Variants in NCKAP5 observed in about 807,000 individuals in gnomAD.
The protein encoded by NCKAP5 is NCK associated protein 5, also known as nck-associated protein 5.
Under a neutral mutation model 167.0 loss-of-function variants are expected in NCKAP5, and 92 were observed. That is an observed-to-expected ratio of 0.55 (90% CI 0.47 to 0.66). The LOEUF (loss-of-function observed/expected upper bound fraction) is 0.66, where lower values mean the gene tolerates loss of function less well. Ranked by LOEUF, NCKAP5 falls within the 30% of genes least tolerant of loss-of-function variation. The probability of loss-of-function intolerance (pLI) is 0.00; values close to 1 mark genes in which losing one functional copy is unlikely to be tolerated. For synonymous variants in NCKAP5, 891 were observed against 877.4 expected (o/e 1.02, Z -0.27); for missense variants, 2,378 against 2,315.0 (o/e 1.03, Z -0.56).
intron 5 of NCKAP5, among the ~76,000 whole-genome samples, chr2:133,187,687 T>C (rs1056990127): frequency 2.0e-5 from 3 of 152,114 alleles, no homozygotes; most frequent in Non-Finnish European, 2.9e-5. Context: ...TTTTCCCAAA[T>C]TGATATTTAA....
intron 3 of NCKAP5, among the ~76,000 whole-genome samples, chr2:133,457,916 CT>C (rs894834206): frequency 7.2e-5 from 11 of 152,164 alleles, no homozygotes; most frequent in Admixed American, 7.2e-4. Flanking sequence ...CCTCTTGTCT[CT>C]GTTTAAATTA....
intron 3 of NCKAP5, among the ~76,000 whole-genome samples, chr2:133,504,471 G>T (rs1236493880): frequency 6.6e-6 from 1 of 151,668 alleles, no homozygotes; most frequent in Non-Finnish European, 1.5e-5. Context: ...TACCAGAGCT[G>T]AGGATTAGGC....
intron 3 of NCKAP5, among the ~76,000 whole-genome samples, chr2:133,349,057 A>G (rs1033351899): frequency 1.3e-5 from 2 of 152,126 alleles, no homozygotes; most frequent in African/African-American, 2.4e-5. Flanking sequence ...AACCCTCTCT[A>G]TCTTACACTC....
chr2:133,662,645 T>C, the NCKAP5 span, among the ~76,000 whole-genome samples: 2 of 141,256 alleles, frequency 1.4e-5, no homozygotes, highest in Non-Finnish European at 3.1e-5. Context: ...TCAGTGAAAG[T>C]GGCAAAACCG....
chr2:133,043,378 A>T (rs1441976893), intron 6 of NCKAP5, among the ~76,000 whole-genome samples: 1 of 152,192 alleles, frequency 6.6e-6, no homozygotes, highest in Non-Finnish European at 1.5e-5. Flanking sequence ...TAAAAAGTAC[A>T]ATTAAACAGA....
At chr2:132,816,855 G>C (rs1353266140) in intron 11 of NCKAP5, among the ~76,000 whole-genome samples, 1 of 152,122 alleles carries the variant, frequency 6.6e-6, no homozygotes, top group Non-Finnish European at 1.5e-5. Context: ...CCTTCCTGAC[G>C]AATCTCCAGG....
chr2:133,138,835 G>A (rs1330614277), intron 5 of NCKAP5, among the ~76,000 whole-genome samples: 2 of 152,138 alleles, frequency 1.3e-5, no homozygotes, highest in African/African-American at 4.8e-5. Context: ...GCATTACACA[G>A]TTGCTCACTA....
intron 16 of NCKAP5, among the ~76,000 whole-genome samples, chr2:132,771,466 CAGTA>C (rs958630677): frequency 6.6e-6 from 1 of 152,118 alleles, no homozygotes; most frequent in Non-Finnish European, 1.5e-5. Flanking sequence ...AAAAAAGTGA[CAGTA>C]AGCTGAAGTT....
At chr2:133,617,872 C>T in the NCKAP5 span, among the ~76,000 whole-genome samples, 2 of 151,518 alleles carry the variant, frequency 1.3e-5, no homozygotes, top group African/African-American at 4.9e-5. Flanking sequence ...AAGAACAAAG[C>T]TGGAGGCATC....
intron 6 of NCKAP5, among the ~76,000 whole-genome samples, chr2:133,099,518 A>G (rs1574026205): frequency 6.6e-6 from 1 of 152,256 alleles, no homozygotes; most frequent in African/African-American, 2.4e-5. Flanking sequence ...TTAAGTACAT[A>G]TTGGGGTCAC....
chr2:132,756,276 G>T (rs1680547436), intron 16 of NCKAP5, among the ~76,000 whole-genome samples: 1 of 152,148 alleles, frequency 6.6e-6, no homozygotes, highest in Non-Finnish European at 1.5e-5. Context: ...CTGAAACATT[G>T]TCTCCCCACA....
intron 3 of NCKAP5, among the ~76,000 whole-genome samples, chr2:133,484,614 T>C (rs1040116426): frequency 6.6e-6 from 1 of 152,164 alleles, no homozygotes. Flanking sequence ...ATGCCACAAG[T>C]GGAAAATTCC....
Position 133,372,217 on chromosome 2 carries a change from G to A in NCKAP5, c.70-69107C>T, listed in dbSNP as rs73957043. Among the ~76,000 whole-genome samples the A allele has an allele frequency of 4.5e-3, 683 of 152,248 alleles. 8 individuals carry two copies. Among genetic ancestry groups the A allele is most frequent in the African/African-American group, 0.015 (638 of 41,542 alleles). ...GTCAACTGTTATGGGCAAAGACGGT[G>A]GTGATGGAAAACTATGTGGCTGGTT... On this transcript the variant is annotated intron_variant, in intron 3 of 19. Transcript: ENST00000409261.
At chr2:133,131,779 T>C (rs1280298722) in intron 5 of NCKAP5, among the ~76,000 whole-genome samples, 1 of 152,202 alleles carries the variant, frequency 6.6e-6, no homozygotes, top group East Asian at 1.9e-4. Flanking sequence ...TAAAGTTAAC[T>C]CTTTACAAAA....
chr2:133,470,768 G>A (rs989143244), intron 3 of NCKAP5, among the ~76,000 whole-genome samples: 2 of 152,182 alleles, frequency 1.3e-5, no homozygotes, highest in African/African-American at 2.4e-5. Flanking sequence ...GGAGTGACCC[G>A]ATTTTCCAGG....
chr2:133,599,697 G>T, the NCKAP5 span, among the ~76,000 whole-genome samples: 1 of 150,798 alleles, frequency 6.6e-6, no homozygotes, highest in African/African-American at 2.4e-5. Flanking sequence ...AGTGGCAGTT[G>T]TGGGATCCTG....
At chr2:133,349,946 A>G (rs1230400032) in intron 3 of NCKAP5, among the ~76,000 whole-genome samples, 2 of 152,328 alleles carry the variant, frequency 1.3e-5, no homozygotes, top group African/African-American at 4.8e-5. Context: ...TAGGCTCACA[A>G]GAAGTTGTCA....
chr2:132,965,380 G>A (rs1464655988), intron 7 of NCKAP5, among the ~76,000 whole-genome samples: 1 of 152,116 alleles, frequency 6.6e-6, no homozygotes, highest in Non-Finnish European at 1.5e-5. Context: ...CCAAGATAAG[G>A]AATATGAAGT....
intron 19 of NCKAP5, among the ~76,000 whole-genome samples, chr2:132,681,904 T>C (rs1265680207): frequency 6.6e-6 from 1 of 152,212 alleles, no homozygotes; most frequent in Admixed American, 6.5e-5. Flanking sequence ...TAAATGGGAC[T>C]GCAAGCTAAG....
Sources: gnomAD v4.1 joint callset for allele counts (sites outside exome capture counted in the v4.1 genomes callset) on GRCh38, gnomAD v4.1.1 for gene constraint, MANE v1.5 for transcripts, NCBI Gene and HGNC (gene_info 2026-07-23, HGNC 2026-07-21) for gene names.